Variants in ASB8 observed in about 807,000 individuals in gnomAD.
The protein encoded by ASB8 is ankyrin repeat and SOCS box containing 8, also known as ankyrin repeat and SOCS box protein 8.
Under a neutral mutation model 22.9 loss-of-function variants are expected in ASB8, and 15 were observed. The ratio of observed to expected loss-of-function variants is 0.66; its 90% CI spans 0.44 to 1.01. The LOEUF (loss-of-function observed/expected upper bound fraction) is 1.01. Among genes scored for constraint, ASB8 ranks in the 50% least tolerant of loss-of-function variants. The pLI is 0.00. For missense variants in ASB8, 294 were observed against 356.9 expected (o/e 0.82, Z 1.42); for synonymous variants, 124 against 140.8 (o/e 0.88, Z 0.84).
chr12:48,155,533 C>T lies in ASB8; in HGVS notation c.-34+1926G>A, dbSNP rs368646093. On this transcript the variant is annotated intron_variant, in intron 1 of 3. Coordinates refer to ENST00000317697, the MANE Select transcript of ASB8 (RefSeq NM_024095.5). Reference sequence around the variant, plus strand: ...GGTCAGCAGTTCGAGACTAGCCTGGCCAACATGGTGAAACCCCGTCTCTAC... The same window carrying T: ...GGTCAGCAGTTCGAGACTAGCCTGGTCAACATGGTGAAACCCCGTCTCTAC... 5.9e-5 allele frequency among the ~76,000 whole-genome samples: 9 copies of T among 151,704 alleles called. No homozygotes were observed. In the East Asian group the frequency reaches 1.4e-3, roughly 23 times the overall value.
Position 48,150,290 on chromosome 12 carries a change from C to T in ASB8, c.235-292G>A, listed in dbSNP as rs116135381. Reference sequence around the variant, plus strand: ...TGTTCTTTTATCTATTCATTAGAATCTCTACCACAGAGTAAGGGGTAAGGC... The same window carrying T: ...TGTTCTTTTATCTATTCATTAGAATTTCTACCACAGAGTAAGGGGTAAGGC... On this transcript the variant is annotated intron_variant, in intron 3 of 3. Coordinates refer to ENST00000317697, the MANE Select transcript of ASB8 (RefSeq NM_024095.5). The T allele has an allele frequency of 4.0e-3, 2,653 of 667,382 alleles. 54 individuals are homozygous for T. In the African/African-American group the frequency reaches 0.04, roughly 10 times the overall value. 41.3% of individuals were successfully genotyped at this position (667,382 alleles called of 1,614,324 possible). A position where few individuals can be genotyped will look rare whatever the true frequency, so the allele number is the denominator to read the frequency against.
At chr12:48,151,164 TAGTG>T (rs1951194573) in intron 3 of ASB8, 33 bp downstream of exon 3, 1 of 1,501,984 alleles carries the variant, frequency 6.7e-7, no homozygotes, top group South Asian at 1.1e-5. Flanking sequence ...GCTCAAGTTT[TAGTG>T]AGTCATTAAT....
chr12:48,157,132 A>C (rs1951319620), intron 1 of ASB8: 1 of 152,046 alleles, frequency 6.6e-6, no homozygotes, highest in African/African-American at 2.4e-5. Context: ...CTGCTGCGGG[A>C]GGGCCCGCGG....
chr12:48,155,864 C>A (rs1402196185), intron 1 of ASB8, among the ~76,000 whole-genome samples: 1 of 150,666 alleles, frequency 6.6e-6, no homozygotes, highest in African/African-American at 2.4e-5. Context: ...CAACCTCAGC[C>A]TCCCAGGCTC....
At chr12:48,150,888 C>A in intron 3 of ASB8, 2 of 497,856 alleles carry the variant, frequency 4.0e-6, no homozygotes, top group South Asian at 3.1e-5. Flanking sequence ...TATAAACAGC[C>A]CCTACAAGGT....
intron 1 of ASB8, among the ~76,000 whole-genome samples, chr12:48,156,444 A>G (rs7301003): frequency 0.29 from 44,191 of 151,862 alleles, 7,386 homozygotes; most frequent in Non-Finnish European, 0.38. Context: ...CAAGAATGGC[A>G]GCAGAAGACA....
Position 48,148,668 on chromosome 12 carries a change from T to TG in ASB8, c.*697_*698insC, listed in dbSNP as rs1194092162. Reference sequence around the variant, plus strand: ...AGATCAATTAAAATGGTTTTTTTTTTTTTTTTTTTTTTTTGAGACAGTTTT... The same window carrying TG: ...AGATCAATTAAAATGGTTTTTTTTTTGTTTTTTTTTTTTTTGAGACAGTTTT... On this transcript the variant is annotated 3_prime_UTR_variant, in exon 4 of 4. Coordinates refer to ENST00000317697, the MANE Select transcript of ASB8 (RefSeq NM_024095.5). The TG allele has an allele frequency of 1.4e-5, 2 of 146,210 alleles. No homozygotes were observed. The highest frequency in any genetic ancestry group is 2.5e-5 in the African/African-American group (1 of 39,524). 9.1% of individuals were successfully genotyped at this position (146,210 alleles called of 1,614,324 possible). A position where few individuals can be genotyped will look rare whatever the true frequency, so the allele number is the denominator to read the frequency against.
In ASB8 at chr12:48,148,339, G is replaced by A. The variant is rs1038353227; in HGVS notation, c.*1027C>T. 1 of 152,202 alleles carries A rather than the reference G, an allele frequency of 6.6e-6. No individual in the cohort carries two copies. Among genetic ancestry groups the A allele is most frequent in the African/African-American group, 2.4e-5 (1 of 41,442 alleles). The allele number at this position is 152,202 out of a possible 1,614,324, so 9.4% of individuals were successfully genotyped here. A position where few individuals can be genotyped will look rare whatever the true frequency, so the allele number is the denominator to read the frequency against. Reference sequence around the variant, plus strand: ...GAGAAAAAGCTGCATTACAAGAAAAGTTCTCAGGACTTTAGGAGTTCTTAG... The same window carrying A: ...GAGAAAAAGCTGCATTACAAGAAAAATTCTCAGGACTTTAGGAGTTCTTAG... On this transcript the variant is annotated 3_prime_UTR_variant, in exon 4 of 4. Coordinates refer to ENST00000317697, the MANE Select transcript of ASB8 (RefSeq NM_024095.5).
At chr12:48,151,450 A>T (rs889423850) in intron 2 of ASB8, 145 bp from the exon 3 acceptor site, 1 of 966,168 alleles carries the variant, frequency 1.0e-6, no homozygotes, top group Non-Finnish European at 1.5e-6. Context: ...CTTTTCTATT[A>T]ATATTATGTC....
At position 48,153,186 on chromosome 12, in the gene ASB8, A is replaced by C. The variant is rs1017092606; in HGVS notation, c.129+182T>G. 1.4e-5 allele frequency: 9 copies of C among 649,038 alleles called. No homozygotes were observed. The African/African-American group carries it at 1.6e-4, about 12-fold the overall frequency. 40.2% of individuals were successfully genotyped at this position (649,038 alleles called of 1,614,324 possible). On this transcript the variant is annotated intron_variant, in intron 2 of 3. Transcript: ENST00000317697. ...AAAAATATCAGATACACAAAGTGAA[A>C]GGGAGAAGGGAAGCGAAGCAAACAT... is the stretch of plus-strand genomic sequence containing the variant.
At position 48,149,401 on chromosome 12, in the gene ASB8, C is replaced by G. The variant is rs746498827; in HGVS notation, c.832G>C (p.Ala278Pro). The G allele has an allele frequency of 3.1e-6, 5 of 1,614,026 alleles. No individual in the cohort carries two copies. The East Asian group carries it at 1.1e-4, about 36-fold the overall frequency. ...PDAVKGLPLP[A>P]SLKEYLLLLE ...AGTAACAGGTATTCCTTCAAAGAAG[C>G]TGGCAGTGGAAGGCCCTTCACTGCA... The change falls in exon 4 of 4, where the codon GCT (alanine) becomes CCT (proline). Residue 278 changes from alanine (A) to proline (P), a missense_variant. Physicochemically the swap from Ala to Pro is conservative, Grantham distance 27. Coordinates refer to ENST00000317697, the MANE Select transcript of ASB8 (RefSeq NM_024095.5).
In ASB8 at chr12:48,149,435, AT is replaced by A; in HGVS notation, c.797del (p.Tyr266PhefsTer6). Reference sequence around the variant, plus strand: ...GAAGGCCCTTCACTGCATCGGGGAGATACTGGAGTCCCAGGCTACGGCGCAC... The same window carrying A: ...GAAGGCCCTTCACTGCATCGGGGAGAACTGGAGTCCCAGGCTACGGCGCAC... The part of the protein sequence containing the change: ...YAVRRSLGLQ[Y>X]LPDAVKGLPL... On this transcript the variant is annotated frameshift_variant, in exon 4 of 4. Transcript: ENST00000317697. LOFTEE classifies it high-confidence loss of function. 6.2e-7 allele frequency: 1 copy of A among 1,614,032 alleles called. No homozygotes were observed. Among genetic ancestry groups the A allele is most frequent in the Non-Finnish European group, 8.5e-7 (1 of 1,179,904 alleles).
rs75959434 is a variant in ASB8, at chr12:48,149,454, C to G, written c.779G>C (p.Arg260Pro). ...GGGGAGATACTGGAGTCCCAGGCTACGGCGCACGGCATAGCGAGCGAGTGT... is the reference window on the plus strand; with the variant it reads ...GGGGAGATACTGGAGTCCCAGGCTAGGGCGCACGGCATAGCGAGCGAGTGT... ...LKTLARYAVR[R>P]SLGLQYLPDA... The change falls in exon 4 of 4, where the codon CGT (arginine) becomes CCT (proline). Residue 260 changes from arginine (R) to proline (P), a missense_variant. Coordinates refer to ENST00000317697, the MANE Select transcript of ASB8 (RefSeq NM_024095.5). 2.5e-6 allele frequency: 4 copies of G among 1,613,802 alleles called. No individual in the cohort carries two copies. Among genetic ancestry groups the G allele is most frequent in the Non-Finnish European group, 3.4e-6 (4 of 1,179,778 alleles).
At position 48,152,610 on chromosome 12, in the gene ASB8, G is replaced by A. The variant is rs563203730; in HGVS notation, c.129+758C>T. On this transcript the variant is annotated intron_variant, in intron 2 of 3. Transcript: ENST00000317697. ...TGATATCCTCTACAGAGCTAGAAGT[G>A]GTAGCTGCTTTTAACATAGAATGTA... Among the ~76,000 whole-genome samples the A allele has an allele frequency of 1.2e-3, 179 of 152,274 alleles. 1 individual carries two copies. The highest frequency in any genetic ancestry group is 2.4e-3 in the Non-Finnish European group (160 of 68,022).
rs1237411320 is a variant in ASB8 at position 48,148,299 on chromosome 12, A to C, written c.*1067T>G. ...CTGCCTGGGAATCCCATTAGAACAC[A>C]CTGTTTCTCAGGAAGAGAAAAAGCT... On this transcript the variant is annotated 3_prime_UTR_variant, in exon 4 of 4. Transcript: ENST00000317697. The C allele has an allele frequency of 6.6e-6, 1 of 152,022 alleles. No individual in the cohort carries two copies. The highest frequency in any genetic ancestry group is 1.5e-5 in the Non-Finnish European group (1 of 67,974). 9.4% of individuals were successfully genotyped at this position (152,022 alleles called of 1,614,324 possible).
intron 2 of ASB8, chr12:48,152,784 T>C (rs1044474961): frequency 6.6e-6 from 1 of 151,888 alleles, no homozygotes; most frequent in Admixed American, 6.6e-5. Flanking sequence ...TGCTTGAGCA[T>C]GAGAATTCAA....
At position 48,150,667 on chromosome 12, in the gene ASB8, A is replaced by G. The variant is rs941220600; in HGVS notation, c.234+534T>C. On this transcript the variant is annotated intron_variant, in intron 3 of 3. Transcript: ENST00000317697. Reference sequence around the variant, plus strand: ...TTTTTTCTTCAAATTTCCAAATAGCATATACCCTCATTAATGAAAGACAAA... The same window carrying G: ...TTTTTTCTTCAAATTTCCAAATAGCGTATACCCTCATTAATGAAAGACAAA... 3.9e-5 allele frequency among the ~76,000 whole-genome samples: 6 copies of G among 152,172 alleles called. No homozygotes were observed. The East Asian group carries it at 1.2e-3, about 29-fold the overall frequency.
intron 3 of ASB8, 37 bp downstream of exon 3, chr12:48,151,164 T>C: frequency 6.7e-7 from 1 of 1,501,984 alleles, no homozygotes; most frequent in Non-Finnish European, 9.3e-7. Context: ...GCTCAAGTTT[T>C]AGTGAGTCAT....
intron 1 of ASB8, among the ~76,000 whole-genome samples, chr12:48,155,930 T>C (rs1048052234): frequency 1.3e-5 from 2 of 151,124 alleles, no homozygotes; most frequent in African/African-American, 4.9e-5. Context: ...GTGTGCACCA[T>C]CACGCCCAGC....
Sources: allele counts gnomAD v4.1 joint callset (sites outside exome capture counted in the v4.1 genomes callset), GRCh38; gene constraint gnomAD v4.1.1; transcripts MANE v1.5; gene names NCBI Gene and HGNC (gene_info 2026-07-23, HGNC 2026-07-21).